NALCN: variants seen among roughly 807,000 people sequenced by gnomAD.
NALCN encodes sodium leak channel NALCN.
NALCN carries 111 observed loss-of-function variants against 225.3 expected under a neutral mutation model. The ratio of observed to expected loss-of-function variants is 0.49; its 90% confidence interval spans 0.42 to 0.58. The LOEUF (loss-of-function observed/expected upper bound fraction) is 0.58. Among genes scored for constraint, NALCN ranks in the 20% least tolerant of loss-of-function variants. The pLI is 0.00. For missense variants in NALCN, 1,378 were observed against 2,202.4 expected, an observed-to-expected ratio of 0.63 and a Z score of 7.49; for synonymous variants, 764 against 769.0, an observed-to-expected ratio of 0.99 and a Z score of 0.11.
At chr13:101,179,685 T>C (rs1360673749) in intron 14 of NALCN, among the ~76,000 whole-genome samples, 1 of 152,182 alleles carries the variant, frequency 6.6e-6, no homozygotes, top group Non-Finnish European at 1.5e-5. Context: ...TTGACCACCA[T>C]CTCAGCTCCC....
chr13:101,409,675 CA>C (rs1165774491), intron 1 of NALCN, among the ~76,000 whole-genome samples: 8 of 152,108 alleles, frequency 5.3e-5, no homozygotes, highest in Non-Finnish European at 1.2e-4. Flanking sequence ...TGGTTTAAAA[CA>C]GTGGTTTTCA....
intron 15 of NALCN, among the ~76,000 whole-genome samples, chr13:101,170,023 C>A (rs1484141675): frequency 6.6e-6 from 1 of 152,190 alleles, no homozygotes; most frequent in African/African-American, 2.4e-5. Flanking sequence ...AGTATCCCTG[C>A]CACCTTGCTA....
chr13:101,369,192 G>GTGTGTGTA (rs2046468373), intron 6 of NALCN, among the ~76,000 whole-genome samples: 1 of 151,850 alleles, frequency 6.6e-6, no homozygotes, highest in African/African-American at 2.4e-5. Context: ...GTGTGTGTGT[G>GTGTGTGTA]TGTGTGTATG....
chr13:101,111,938 AG>A (rs533590403), intron 18 of NALCN, among the ~76,000 whole-genome samples: 75 of 152,338 alleles, frequency 4.9e-4, no homozygotes, highest in African/African-American at 1.8e-3. Context: ...AATTTAAACA[AG>A]GTTTCTAATA....
At chr13:101,073,442 C>T (rs919144186) in intron 37 of NALCN, 142 bp downstream of exon 37, 13 of 608,144 alleles carry the variant, frequency 2.1e-5, no homozygotes, top group African/African-American at 1.9e-4. Context: ...TATAATAATG[C>T]AATTTTATGG....
At chr13:101,116,329 T>C (rs957073858) in intron 18 of NALCN, 3 of 224,658 alleles carry the variant, frequency 1.3e-5, no homozygotes, top group African/African-American at 4.6e-5. Flanking sequence ...TATATATATA[T>C]ATATAATCTT....
At chr13:101,249,899 A>C (rs759222884) in intron 11 of NALCN, among the ~76,000 whole-genome samples, 5 of 152,242 alleles carry the variant, frequency 3.3e-5, no homozygotes, top group South Asian at 4.1e-4. Flanking sequence ...CCGGATAATA[A>C]AAGAAGAAAA....
In NALCN at chr13:101,176,314, T is replaced by G. The variant is rs1199132913; in HGVS notation, c.1825A>C (p.Lys609Gln). 6.3e-7 allele frequency: 1 copy of G among 1,591,046 alleles called. No individual in the cohort carries two copies. The change falls in exon 15 of 44, where the codon AAG (lysine) becomes CAG (glutamine). Residue 609 changes from lysine (K) to glutamine (Q), a missense_variant. Coordinates refer to ENST00000251127, the MANE Select transcript of NALCN (RefSeq NM_052867.4). ...ACACTACTTACTTGTTTAAGCTTCT[T>G]TAGGTCTTCATCAAGTTCTAAGTTG... ...LDNLELDEDL[K>Q]KLKQLKQSEA...
intron 6 of NALCN, among the ~76,000 whole-genome samples, chr13:101,359,868 T>C (rs1378088399): frequency 6.6e-6 from 1 of 152,168 alleles, no homozygotes; most frequent in Non-Finnish European, 1.5e-5. Flanking sequence ...TTCCAGATCT[T>C]CTGAAAAAAT....
At chr13:101,144,918 G>GAAA in intron 15 of NALCN, 22 bp from the exon 16 acceptor site, 1 of 1,581,214 alleles carries the variant, frequency 6.3e-7, no homozygotes, top group Admixed American at 2.0e-5. Context: ...TTGGAAAGAA[G>GAAA]AAAAAAAGGG....
At chr13:101,121,371 G>T (rs991123393) in intron 18 of NALCN, among the ~76,000 whole-genome samples, 1 of 152,048 alleles carries the variant, frequency 6.6e-6, no homozygotes, top group African/African-American at 2.4e-5. Context: ...ATCTCAAGAC[G>T]CTAATATTTC....
chr13:101,091,030 T>C (rs1308035230), intron 28 of NALCN, among the ~76,000 whole-genome samples: 1 of 152,224 alleles, frequency 6.6e-6, no homozygotes, highest in Non-Finnish European at 1.5e-5. Context: ...GTGATCCTTT[T>C]TACTAGATTG....
intron 11 of NALCN, among the ~76,000 whole-genome samples, chr13:101,241,346 G>A (rs1184128544): frequency 6.6e-6 from 1 of 152,200 alleles, no homozygotes; most frequent in African/African-American, 2.4e-5. Flanking sequence ...TTTGGCTGCT[G>A]TTTCTCAGAT....
rs535366104 is a variant in NALCN at position 101,156,613 on chromosome 13, G to A, written c.1840-11717C>T. Among the ~76,000 whole-genome samples the A allele has an allele frequency of 3.3e-5, 5 of 151,670 alleles. No individual in the cohort carries two copies. In the South Asian group the frequency reaches 8.4e-4, roughly 25 times the overall value. On this transcript the variant is annotated intron_variant, in intron 15 of 43. Transcript: ENST00000251127. ...AGTTCTTACTGATACTCCTAATCTAGCCCCACAGGTTCTCCTGTGGCATCT... is the reference window on the plus strand; with the variant it reads ...AGTTCTTACTGATACTCCTAATCTAACCCCACAGGTTCTCCTGTGGCATCT...
intron 11 of NALCN, among the ~76,000 whole-genome samples, chr13:101,240,533 G>A (rs1489627114): frequency 6.6e-6 from 1 of 151,762 alleles, no homozygotes; most frequent in Non-Finnish European, 1.5e-5. Flanking sequence ...AATTTCATAA[G>A]GAAATAAAAT....
intron 15 of NALCN, among the ~76,000 whole-genome samples, chr13:101,159,987 T>TGC (rs2038087252): frequency 6.7e-6 from 1 of 148,906 alleles, no homozygotes; most frequent in Non-Finnish European, 1.5e-5. Flanking sequence ...CGGAGTCTCA[T>TGC]TCTGTCGCCC....
chr13:101,223,154 C>A (rs2041010429), intron 13 of NALCN, among the ~76,000 whole-genome samples: 1 of 152,142 alleles, frequency 6.6e-6, no homozygotes, highest in African/African-American at 2.4e-5. Context: ...CAACCTCTTC[C>A]ATGCTAGCCA....
In NALCN at chr13:101,059,954, G is replaced by A. The variant is rs775524301; in HGVS notation, c.4769C>T (p.Ser1590Leu). ...TCTCAGGCTGTGGATGATACTGCACGACTGCTGCTGTTTCTATGGAAATGC... is the reference window on the plus strand; with the variant it reads ...TCTCAGGCTGTGGATGATACTGCACAACTGCTGCTGTTTCTATGGAAATGC... ...LKRIRAKQQQ[S>L]CSIIHSLRES... is the part of the protein sequence containing the mutation. The change falls in exon 42 of 44, where the codon TCG becomes TTG. Residue 1590 changes from serine (S) to leucine (L), a missense_variant. Ser to Leu is a moderately radical substitution (Grantham distance 145). Around this residue, in one of 19 missense-constraint regions of NALCN, gnomAD observed 94 missense variants for 170.3 expected, o/e 0.55. Coordinates refer to ENST00000251127, the MANE Select transcript of NALCN (RefSeq NM_052867.4). The A allele has an allele frequency of 1.1e-5, 18 of 1,613,910 alleles. No individual in the cohort carries two copies. Among genetic ancestry groups the A allele is most frequent in the Middle Eastern group, 1.7e-4 (1 of 6,046 alleles).
intron 7 of NALCN, among the ~76,000 whole-genome samples, chr13:101,338,649 T>C (rs7325199): frequency 0.02 from 3,097 of 152,314 alleles, 111 homozygotes; most frequent in African/African-American, 0.071. Context: ...TTCGCATATA[T>C]GGTATATTTT....
Sources: gnomAD v4.1 joint callset for allele counts (sites outside exome capture counted in the v4.1 genomes callset) on GRCh38, gnomAD v4.1.1 for gene constraint, gnomAD v4.1.1 regional missense constraint, MANE v1.5 for transcripts, NCBI Gene and HGNC (gene_info 2026-07-23, HGNC 2026-07-21) for gene names.